AKAP13: variants seen among roughly 807,000 people sequenced by gnomAD.
AKAP13 encodes the protein A-kinase anchor protein 13.
In AKAP13, 80 loss-of-function variants were observed where a neutral mutation model predicts 264.5. The ratio of observed to expected loss-of-function variants is 0.30; its 90% CI spans 0.25 to 0.36. The LOEUF is 0.36. Ranked by LOEUF, AKAP13 falls within the 10% of genes least tolerant of loss-of-function variation. AKAP13 has a pLI of 1.00. For missense variants in AKAP13, 3,712 were observed against 3,435.2 expected (o/e 1.08, Z -2.01); for synonymous variants, 1,380 against 1,250.2 (o/e 1.10, Z -2.19).
chr15:85,735,602 G>A lies in AKAP13; in HGVS notation c.7484G>A (p.Arg2495Lys). Reference sequence around the variant, plus strand: ...GGAGATGATGGCCAAGATCTTAGGAGAACGGAATCAGATAGTGGCCTAAAA... The same window carrying A: ...GGAGATGATGGCCAAGATCTTAGGAAAACGGAATCAGATAGTGGCCTAAAA... The part of the protein sequence containing the change: ...EEGDDGQDLR[R>K]TESDSGLKKG... The change falls in exon 32 of 37, where the codon AGA becomes AAA. Residue 2495 changes from arginine to lysine, a missense_variant. By Grantham distance (26) the Arg-to-Lys change is conservative. Transcript: ENST00000394518. 1 of 1,613,362 alleles carries A rather than the reference G, an allele frequency of 6.2e-7. No homozygotes were observed. The highest frequency in any genetic ancestry group is 1.7e-4 in the Middle Eastern group (1 of 6,054).
chr15:85,552,416 C>T (rs1162010388), intron 5 of AKAP13, among the ~76,000 whole-genome samples: 1 of 152,114 alleles, frequency 6.6e-6, no homozygotes, highest in Non-Finnish European at 1.5e-5. Context: ...AATTGGTTAT[C>T]ATTGTATAAT....
At chr15:85,733,509 T>G (rs1015882005) in intron 30 of AKAP13, among the ~76,000 whole-genome samples, 14 of 152,340 alleles carry the variant, frequency 9.2e-5, no homozygotes, top group Middle Eastern at 6.8e-3. Context: ...ATTTTTCAGA[T>G]TTCAGGAAGT....
At chr15:85,640,460 G>A (rs993036954) in intron 9 of AKAP13, among the ~76,000 whole-genome samples, 3 of 152,162 alleles carry the variant, frequency 2.0e-5, no homozygotes, top group Non-Finnish European at 2.9e-5. Flanking sequence ...TAACTCCAGA[G>A]CAGTTTCCTA....
intron 14 of AKAP13, 82 bp downstream of exon 14, chr15:85,669,912 ATAACAT>A: frequency 9.4e-7 from 1 of 1,068,564 alleles, no homozygotes; most frequent in African/African-American, 1.6e-5. Flanking sequence ...TTAAGGCCCC[ATAACAT>A]TACCTGCCAA....
At chr15:85,699,969 T>G (rs1209520271) in intron 17 of AKAP13, among the ~76,000 whole-genome samples, 1 of 152,218 alleles carries the variant, frequency 6.6e-6, no homozygotes, top group Non-Finnish European at 1.5e-5. Flanking sequence ...TAAGAACCGT[T>G]GGCTTATGGT....
Position 85,399,268 on chromosome 15 carries a change from G to T in AKAP13, c.-12+18470G>T, listed in dbSNP as rs922298344. 7.3e-5 allele frequency among the ~76,000 whole-genome samples: 11 copies of T among 150,670 alleles called. 1 individual carries two copies. Among genetic ancestry groups the T allele is most frequent in the Admixed American group, 4.0e-4 (6 of 15,142 alleles). On this transcript the variant is annotated intron_variant, in intron 1 of 36. Transcript: ENST00000394518. ...TCCCAGCACTTTGGGAGGCCGAGGCGGGTGGATCATGAGGTCAGGAGATCG... is the reference window on the plus strand; with the variant it reads ...TCCCAGCACTTTGGGAGGCCGAGGCTGGTGGATCATGAGGTCAGGAGATCG...
At chr15:85,664,497 T>C in intron 12 of AKAP13, 66 bp from the exon 13 acceptor site, 1 of 1,485,204 alleles carries the variant, frequency 6.7e-7, no homozygotes, top group Non-Finnish European at 9.1e-7. Context: ...CCAAAGGGAT[T>C]TTGTGTCCTC....
intron 2 of AKAP13, among the ~76,000 whole-genome samples, chr15:85,512,316 G>T (rs1230555895): frequency 6.6e-6 from 1 of 152,094 alleles, no homozygotes; most frequent in East Asian, 1.9e-4. Flanking sequence ...ACACGTTTGG[G>T]TTTGGGTTTA....
In AKAP13 at chr15:85,417,320, T is replaced by C. The variant is rs147471189; in HGVS notation, c.-12+36522T>C. Among the ~76,000 whole-genome samples, 100 of 152,314 alleles carry C rather than the reference T, an allele frequency of 6.6e-4. 1 individual carries two copies. The highest frequency in any genetic ancestry group is 2.2e-3 in the African/African-American group (91 of 41,576). ...GATGGGTGACTTCACTGCTTTTTCT[T>C]TGTCTTAATTTAAAATTGGTATGTA... On this transcript the variant is annotated intron_variant, in intron 1 of 36. Coordinates refer to ENST00000394518, the MANE Select transcript of AKAP13 (RefSeq NM_007200.5).
intron 1 of AKAP13, among the ~76,000 whole-genome samples, chr15:85,449,996 C>T (rs150016629): frequency 3.3e-5 from 5 of 152,122 alleles, no homozygotes; most frequent in African/African-American, 1.2e-4. Context: ...AGAATGGTAC[C>T]AGCTCTTCTT....
chr15:85,589,593 TAA>T (rs71468122), intron 8 of AKAP13, among the ~76,000 whole-genome samples: 79 of 122,406 alleles, frequency 6.5e-4, no homozygotes, highest in Middle Eastern at 3.9e-3. Flanking sequence ...TTGTCTCCAC[TAA>T]AAAAAAAAAA....
intron 9 of AKAP13, among the ~76,000 whole-genome samples, chr15:85,641,999 C>T (rs1013511586): frequency 1.3e-5 from 2 of 152,104 alleles, no homozygotes; most frequent in Non-Finnish European, 2.9e-5. Context: ...ATTATGTTAG[C>T]TTCTGAAAAG....
intron 5 of AKAP13, among the ~76,000 whole-genome samples, chr15:85,572,515 A>G (rs1029568078): frequency 6.6e-6 from 1 of 152,174 alleles, no homozygotes; most frequent in Non-Finnish European, 1.5e-5. Flanking sequence ...AGTATAGCAT[A>G]TGCCATTCTT....
At chr15:85,403,271 T>A (rs575391940) in intron 1 of AKAP13, among the ~76,000 whole-genome samples, 1 of 152,370 alleles carries the variant, frequency 6.6e-6, no homozygotes, top group South Asian at 2.1e-4. Flanking sequence ...GATTGTTTTA[T>A]GATCAGTGTG....
In AKAP13 at chr15:85,657,522, TC is replaced by T. The variant is rs1248539193; in HGVS notation, c.4746-1014del. On this transcript the variant is annotated intron_variant, in intron 11 of 36. Transcript: ENST00000394518. The stretch of plus-strand genomic sequence containing the variant: ...AGAAGACTGGTGCAGGTAGTTTGCA[TC>T]ATTTATCCAAGGTCTCTGGTCTCTT... Among the ~76,000 whole-genome samples, 5 of 152,304 alleles carry T rather than the reference TC, an allele frequency of 3.3e-5. No homozygotes were observed. In the East Asian group the frequency reaches 7.7e-4, roughly 24 times the overall value.
At chr15:85,491,462 C>G (rs899995141) in intron 2 of AKAP13, among the ~76,000 whole-genome samples, 1 of 144,172 alleles carries the variant, frequency 6.9e-6, no homozygotes, top group Non-Finnish European at 1.5e-5. Context: ...AATGGATGTT[C>G]TTGAATTGAG....
intron 1 of AKAP13, among the ~76,000 whole-genome samples, chr15:85,442,596 A>G (rs1035958634): frequency 2.1e-5 from 3 of 144,452 alleles, no homozygotes; most frequent in African/African-American, 2.6e-5. Context: ...AAAACATTTT[A>G]TTTTCTTTTT....
Position 85,579,866 on chromosome 15 carries a change from G to A in AKAP13, c.1798G>A (p.Gly600Arg). 1.2e-6 allele frequency: 2 copies of A among 1,614,168 alleles called. No homozygotes were observed. Among genetic ancestry groups the A allele is most frequent in the Non-Finnish European group, 8.5e-7 (1 of 1,180,048 alleles). Residue 600 changes from glycine (G) to arginine (R), a missense_variant, in exon 7 of 37, where the codon GGA (glycine) becomes AGA (arginine). Physicochemically the swap from Gly to Arg is moderately radical, Grantham distance 125. Coordinates refer to ENST00000394518, the MANE Select transcript of AKAP13 (RefSeq NM_007200.5). ...PAAAKDKISD[G>R]LEPYTLLAAG... ...TGCTGCAAAAGACAAGATTTCAGAT[G>A]GATTAGAACCTTATACTCTCTTAGC...
intron 30 of AKAP13, among the ~76,000 whole-genome samples, chr15:85,731,069 AC>A (rs2087979804): frequency 7.3e-6 from 1 of 137,380 alleles, no homozygotes; most frequent in South Asian, 2.2e-4. Flanking sequence ...CAGTGGTGCA[AC>A]CTCGGCTCAC....
Sources: gnomAD v4.1 joint callset for allele counts (sites outside exome capture counted in the v4.1 genomes callset) on GRCh38, gnomAD v4.1.1 for gene constraint, MANE v1.5 for transcripts, NCBI Gene and HGNC (gene_info 2026-07-23, HGNC 2026-07-21) for gene names.